DENND2C: variants seen among roughly 807,000 people sequenced by gnomAD.
DENND2C encodes the protein DENN domain-containing protein 2C.
A neutral mutation model predicts 112.4 loss-of-function variants in DENND2C; 72 were observed. The observed-to-expected ratio is 0.64, with a 90% CI of 0.53 to 0.78. The LOEUF (loss-of-function observed/expected upper bound fraction) is 0.78, where lower values mean the gene tolerates loss of function less well. Among genes scored for constraint, DENND2C ranks in the 30% least tolerant of loss-of-function variants. DENND2C has a pLI of 0.00. For synonymous variants in DENND2C, 329 were observed against 381.6 expected, an observed-to-expected ratio of 0.86 and a Z score of 1.61; for missense variants, 992 against 1,113.8, an observed-to-expected ratio of 0.89 and a Z score of 1.56.
chr1:114,664,349 A>G (rs1363422576), intron 1 of DENND2C, among the ~76,000 whole-genome samples: 1 of 152,202 alleles, frequency 6.6e-6, no homozygotes, highest in East Asian at 1.9e-4. Context: ...ACAGTGGCTC[A>G]TGCCTGTAAT....
In DENND2C at chr1:114,669,459, T is replaced by C. The variant is rs545332847; in HGVS notation, c.-574+524A>G. ...ACTCAAAAGCTCTTAGGTGTTCCACTGTCAGACTTTTAAATTAAAATTCTA... is the reference window on the plus strand; with the variant it reads ...ACTCAAAAGCTCTTAGGTGTTCCACCGTCAGACTTTTAAATTAAAATTCTA... On this transcript the variant is annotated intron_variant, in intron 1 of 20. Coordinates refer to ENST00000393274, the MANE Select transcript of DENND2C (RefSeq NM_001256404.2). Among the ~76,000 whole-genome samples the C allele has an allele frequency of 2.6e-5, 4 of 152,372 alleles. No homozygotes were observed. In the East Asian group the frequency reaches 7.7e-4, roughly 29 times the overall value.
rs7541738 is a variant in DENND2C at position 114,625,979 on chromosome 1, A to C, written c.6T>G (p.Asp2Glu). The change falls in exon 4 of 21, where the codon GAT becomes GAG. Residue 2 changes from aspartate to glutamate, a missense_variant. Coordinates refer to ENST00000393274, the MANE Select transcript of DENND2C (RefSeq NM_001256404.2). The stretch of plus-strand genomic sequence containing the variant: ...GAACAGTAGTACGAGAAAAACCAAC[A>C]TCCATGTTCCCAACTGGGTGAATGA... Reference protein sequence around the residue: MDVGFSRTTVQT... With the variant: MEVGFSRTTVQT... 1 of 1,605,126 alleles carries C rather than the reference A, an allele frequency of 6.2e-7. No homozygotes were observed. Among genetic ancestry groups the C allele is most frequent in the Non-Finnish European group, 8.5e-7 (1 of 1,174,968 alleles).
At chr1:114,668,697 G>A (rs1383890994) in intron 1 of DENND2C, among the ~76,000 whole-genome samples, 2 of 151,822 alleles carry the variant, frequency 1.3e-5, no homozygotes, top group Non-Finnish European at 2.9e-5. Context: ...CCATCTCCCC[G>A]CTAAAATCCC....
intron 8 of DENND2C, among the ~76,000 whole-genome samples, chr1:114,616,793 T>TCG (rs2101659722): frequency 6.6e-6 from 1 of 152,142 alleles, no homozygotes; most frequent in Admixed American, 6.5e-5. Context: ...AGATAAAGGT[T>TCG]GCACTGAGCC....
chr1:114,586,640 A>G (rs1471591914), intron 20 of DENND2C: 1 of 151,990 alleles, frequency 6.6e-6, no homozygotes, highest in Non-Finnish European at 1.5e-5. Context: ...CTGATTATAA[A>G]GCTTTTGTGA....
intron 18 of DENND2C, among the ~76,000 whole-genome samples, chr1:114,593,617 T>C (rs1337093428): frequency 3.3e-5 from 5 of 152,050 alleles, no homozygotes; most frequent in Non-Finnish European, 1.5e-5. Context: ...AGACCCTGTC[T>C]CTACAAAAAA....
chr1:114,657,474 G>A (rs1657365970), intron 1 of DENND2C, among the ~76,000 whole-genome samples: 1 of 152,126 alleles, frequency 6.6e-6, no homozygotes, highest in Admixed American at 6.6e-5. Flanking sequence ...CACGAAAGTA[G>A]ACAAAAGATG....
chr1:114,646,810 G>A (rs1001480446), intron 2 of DENND2C, among the ~76,000 whole-genome samples: 1 of 152,050 alleles, frequency 6.6e-6, no homozygotes, highest in Non-Finnish European at 1.5e-5. Flanking sequence ...CCATAATAAG[G>A]TATTCTGACT....
At chr1:114,651,276 T>TACACACACACACACAC (rs57202953) in intron 2 of DENND2C, among the ~76,000 whole-genome samples, 2,213 of 139,290 alleles carry the variant, frequency 0.016, 72 homozygotes, top group African/African-American at 0.054. Flanking sequence ...TCCCTACACA[T>TACACACACACACACAC]ACACACACAC....
At chr1:114,599,180 G>A (rs1053066813) in intron 16 of DENND2C, 94 bp downstream of exon 16, 2 of 875,112 alleles carry the variant, frequency 2.3e-6, no homozygotes, top group African/African-American at 3.4e-5. Context: ...GCATAAAATA[G>A]TAATAACTAA....
chr1:114,644,901 T>C (rs1007389621), intron 3 of DENND2C, among the ~76,000 whole-genome samples: 1 of 152,184 alleles, frequency 6.6e-6, no homozygotes, highest in Non-Finnish European at 1.5e-5. Context: ...TATTTATTTA[T>C]AAATTGTAAA....
At chr1:114,669,692 A>G (rs1043004377) in intron 1 of DENND2C, among the ~76,000 whole-genome samples, 2 of 151,902 alleles carry the variant, frequency 1.3e-5, no homozygotes, top group African/African-American at 2.4e-5. Flanking sequence ...AGGGGTCCCC[A>G]AGCCCCTGAG....
chr1:114,657,747 T>G (rs187955159), intron 1 of DENND2C, among the ~76,000 whole-genome samples: 1 of 152,162 alleles, frequency 6.6e-6, no homozygotes, highest in Non-Finnish European at 1.5e-5. Flanking sequence ...TTTATCCAAA[T>G]AGACGAATAG....
intron 8 of DENND2C, among the ~76,000 whole-genome samples, chr1:114,617,795 A>G (rs1455040610): frequency 6.6e-6 from 1 of 152,082 alleles, no homozygotes. Context: ...CTGATAAATG[A>G]TTATAAATCA....
rs1037441692 is a variant in DENND2C, at chr1:114,600,908, G to A, written c.1868C>T (p.Pro623Leu). 1 of 1,613,888 alleles carries A rather than the reference G, an allele frequency of 6.2e-7. No homozygotes were observed. Among genetic ancestry groups the A allele is most frequent in the African/African-American group, 1.3e-5 (1 of 74,896 alleles). ...RREMSPALVY[P>L]FMRSVMEAPF... ...AGCTTCCATGACACTTCGCATGAAT[G>A]GGTAAACAAGGGCTGGAGACATTTC... The change falls in exon 14 of 21, where the codon CCA becomes CTA. Residue 623 changes from proline to leucine, a missense_variant. Pro to Leu is a moderately conservative substitution (Grantham distance 98). Around this residue, in one of 3 missense-constraint regions of DENND2C, gnomAD observed 516 missense variants for 623.6 expected, o/e 0.83. Transcript: ENST00000393274.
At chr1:114,593,152 C>A (rs145267122) in intron 18 of DENND2C, among the ~76,000 whole-genome samples, 1 of 152,194 alleles carries the variant, frequency 6.6e-6, no homozygotes, top group Non-Finnish European at 1.5e-5. Flanking sequence ...GCAGTTTACA[C>A]ACATACTTTC....
chr1:114,588,757 GA>G (rs1655109824), intron 18 of DENND2C, among the ~76,000 whole-genome samples: 1 of 151,992 alleles, frequency 6.6e-6, no homozygotes, highest in Non-Finnish European at 1.5e-5. Context: ...TTTAAATAAA[GA>G]TTTTTTTTCC....
chr1:114,594,531 C>G lies in DENND2C; in HGVS notation c.2373G>C (p.Leu791=). ...EILPPKLQAA[L]MQILEERNEI... ...CATTTCGTTCTTCCAAAATCTGCAT[C>G]AGGGCAGCTTGAAGTTTTGGTGGTA... Residue 791 remains leucine (L), a synonymous_variant, in exon 18 of 21, where the codon CTG becomes CTC. Coordinates refer to ENST00000393274, the MANE Select transcript of DENND2C (RefSeq NM_001256404.2). The G allele has an allele frequency of 6.2e-7, 1 of 1,613,914 alleles. No homozygotes were observed. Among genetic ancestry groups the G allele is most frequent in the Non-Finnish European group, 8.5e-7 (1 of 1,179,978 alleles).
intron 2 of DENND2C, among the ~76,000 whole-genome samples, chr1:114,649,505 G>C (rs1345948821): frequency 6.6e-6 from 1 of 152,068 alleles, no homozygotes; most frequent in Admixed American, 6.6e-5. Flanking sequence ...CTCCCAAGTA[G>C]CTGGGAATAC....
Sources: allele counts gnomAD v4.1 joint callset (sites outside exome capture counted in the v4.1 genomes callset), GRCh38; gene constraint gnomAD v4.1.1; regional missense constraint gnomAD v4.1.1; transcripts MANE v1.5; gene names NCBI Gene and HGNC (gene_info 2026-07-23, HGNC 2026-07-21).